PDGFC: variants seen among roughly 807,000 people sequenced by gnomAD.
The protein encoded by PDGFC is platelet-derived growth factor C.
In PDGFC, 12 loss-of-function variants were observed where a neutral mutation model predicts 35.5. That is an observed-to-expected ratio of 0.34 (90% CI 0.22 to 0.55). The LOEUF is 0.55. Ranked by LOEUF, PDGFC falls within the 20% of genes least tolerant of loss-of-function variation. The pLI, the probability that PDGFC is intolerant of heterozygous loss-of-function variation, is 0.91. For synonymous variants in PDGFC, 159 were observed against 148.8 expected, an observed-to-expected ratio of 1.07 and a Z score of -0.50; for missense variants, 322 against 412.4, an observed-to-expected ratio of 0.78 and a Z score of 1.90.
intron 2 of PDGFC, among the ~76,000 whole-genome samples, chr4:156,824,325 T>C (rs56784225): frequency 0.22 from 24,185 of 109,242 alleles, 3,036 homozygotes; most frequent in South Asian, 0.33. Flanking sequence ...TATATATATA[T>C]ATACACACAC....
intron 1 of PDGFC, among the ~76,000 whole-genome samples, chr4:156,914,070 C>A (rs995663907): frequency 8.6e-5 from 13 of 151,896 alleles, no homozygotes; most frequent in African/African-American, 3.1e-4. Flanking sequence ...TCTGGAATTA[C>A]AATGATCAAT....
At chr4:156,792,412 C>T (rs1731322175) in intron 3 of PDGFC, among the ~76,000 whole-genome samples, 1 of 151,922 alleles carries the variant, frequency 6.6e-6, no homozygotes, top group Admixed American at 6.6e-5. Flanking sequence ...TCACATTCCA[C>T]AAAAAATCAC....
At chr4:156,824,885 G>A (rs1377521217) in intron 2 of PDGFC, among the ~76,000 whole-genome samples, 1 of 152,034 alleles carries the variant, frequency 6.6e-6, no homozygotes, top group African/African-American at 2.4e-5. Flanking sequence ...AGGCCTGCTG[G>A]GTGTGATGCC....
chr4:156,792,244 G>T (rs1022989521), intron 3 of PDGFC, among the ~76,000 whole-genome samples: 2 of 152,010 alleles, frequency 1.3e-5, no homozygotes, highest in African/African-American at 4.8e-5. Flanking sequence ...TATACAATTT[G>T]GATAAAAGTG....
chr4:156,961,007 C>T (rs1485061739), intron 1 of PDGFC, among the ~76,000 whole-genome samples: 1 of 152,058 alleles, frequency 6.6e-6, no homozygotes, highest in Admixed American at 6.6e-5. Flanking sequence ...CCAGACCCAG[C>T]AAGAAATTTC....
rs953779130 is a variant in PDGFC at position 156,761,692 on chromosome 4, G to C, written c.*1398C>G. The C allele has an allele frequency of 1.0e-4, 16 of 152,442 alleles. No individual in the cohort carries two copies. Among genetic ancestry groups the C allele is most frequent in the Non-Finnish European group, 1.9e-4 (13 of 68,016 alleles). 9.4% of individuals were successfully genotyped at this position (152,442 alleles called of 1,614,324 possible). ...ATTCAAATAGTCACCACATAACCTAGGCACGATATTAAGCATTTTACAAGC... is the reference window on the plus strand; with the variant it reads ...ATTCAAATAGTCACCACATAACCTACGCACGATATTAAGCATTTTACAAGC... On this transcript the variant is annotated 3_prime_UTR_variant, in exon 6 of 6. Transcript: ENST00000502773.
chr4:156,965,239 T>C (rs941394221), intron 1 of PDGFC, among the ~76,000 whole-genome samples: 9 of 152,102 alleles, frequency 5.9e-5, no homozygotes, highest in African/African-American at 2.2e-4. Flanking sequence ...GTTAACAGCA[T>C]AGTCTTTCTT....
chr4:156,958,341 T>G (rs1732259137), intron 1 of PDGFC, among the ~76,000 whole-genome samples: 1 of 150,742 alleles, frequency 6.6e-6, no homozygotes, highest in African/African-American at 2.4e-5. Context: ...AAAAAGGAAC[T>G]AGCAAGTCAC....
intron 1 of PDGFC, among the ~76,000 whole-genome samples, chr4:156,955,625 T>A (rs1357739147): frequency 6.6e-6 from 1 of 152,006 alleles, no homozygotes; most frequent in Non-Finnish European, 1.5e-5. Flanking sequence ...GATTAATTTA[T>A]GAATATTTAA....
chr4:156,816,447 A>G (rs1732089050), intron 2 of PDGFC, among the ~76,000 whole-genome samples: 1 of 152,216 alleles, frequency 6.6e-6, no homozygotes, highest in African/African-American at 2.4e-5. Context: ...TTGTTTATCT[A>G]TGCTTTAAAT....
intron 2 of PDGFC, among the ~76,000 whole-genome samples, chr4:156,812,697 T>TA (rs1731970787): frequency 6.6e-6 from 1 of 152,148 alleles, no homozygotes; most frequent in Non-Finnish European, 1.5e-5. Flanking sequence ...GCATGGAACT[T>TA]AAACTACTTC....
chr4:156,903,104 A>AGAGAGTGTGTGT (rs368483475), intron 1 of PDGFC, among the ~76,000 whole-genome samples: 10 of 130,756 alleles, frequency 7.6e-5, no homozygotes, highest in South Asian at 5.4e-4. Context: ...AGAGAGAGAG[A>AGAGAGTGTGTGT]GTGTGTGTGT....
At chr4:156,814,369 C>T (rs1732023246) in intron 2 of PDGFC, among the ~76,000 whole-genome samples, 1 of 152,026 alleles carries the variant, frequency 6.6e-6, no homozygotes, top group Admixed American at 6.6e-5. Context: ...AGAGGGAAGC[C>T]ACTGTGAGGG....
At chr4:156,836,056 C>A (rs1032595673) in intron 2 of PDGFC, 3 of 152,128 alleles carry the variant, frequency 2.0e-5, no homozygotes, top group African/African-American at 7.2e-5. Context: ...GTATTCTAGG[C>A]AAGACCGTAT....
chr4:156,779,736 G>A (rs1218793597), intron 3 of PDGFC, among the ~76,000 whole-genome samples: 9 of 152,170 alleles, frequency 5.9e-5, no homozygotes, highest in Non-Finnish European at 1.3e-4. Context: ...TGAAACAACT[G>A]CTACGGACTC....
intron 1 of PDGFC, among the ~76,000 whole-genome samples, chr4:156,952,947 C>T (rs991876440): frequency 1.3e-5 from 2 of 151,724 alleles, no homozygotes; most frequent in African/African-American, 4.8e-5. Flanking sequence ...AGGTTTAAGA[C>T]AATTATTTAC....
intron 1 of PDGFC, among the ~76,000 whole-genome samples, chr4:156,938,767 C>T (rs1412882656): frequency 6.6e-6 from 1 of 151,552 alleles, no homozygotes; most frequent in Non-Finnish European, 1.5e-5. Flanking sequence ...TAAAAGTTAT[C>T]TATGATCTGT....
chr4:156,835,984 C>A (rs1007611741), intron 2 of PDGFC: 1 of 152,178 alleles, frequency 6.6e-6, no homozygotes, highest in Admixed American at 6.5e-5. Context: ...GGAACAGGAA[C>A]ATAAACCTCG....
chr4:156,851,930 C>CAAAAA (rs61505882), intron 1 of PDGFC, among the ~76,000 whole-genome samples: 4 of 47,888 alleles, frequency 8.4e-5, no homozygotes, highest in African/African-American at 2.7e-4. Context: ...GACTCCATCT[C>CAAAAA]AAAAAAAAAA....
Sources: gnomAD v4.1 joint callset for allele counts (sites outside exome capture counted in the v4.1 genomes callset) on GRCh38, gnomAD v4.1.1 for gene constraint, MANE v1.5 for transcripts, NCBI Gene and HGNC (gene_info 2026-07-23, HGNC 2026-07-21) for gene names.